The following HLTF variants were observed in gnomAD, a reference collection of about 807,000 sequenced individuals.
HLTF encodes the protein DNA-dependent ATPase/E3 ubiquitin-protein ligase HLTF.
HLTF carries 127 observed loss-of-function variants against 129.4 expected under a neutral mutation model. The observed-to-expected ratio is 0.98, with a 90% CI of 0.85 to 1.14. The LOEUF (loss-of-function observed/expected upper bound fraction) is 1.14, where lower values mean the gene tolerates loss of function less well. Ranked by LOEUF, HLTF falls within the 50% of genes most tolerant of loss-of-function variation. The pLI, the probability that HLTF is intolerant of heterozygous loss-of-function variation, is 0.00. For synonymous variants in HLTF, 332 were observed against 388.8 expected (o/e 0.85, Z 1.72); for missense variants, 1,139 against 1,187.1 (o/e 0.96, Z 0.60).
intron 10 of HLTF, among the ~76,000 whole-genome samples, chr3:149,061,212 G>A (rs919667214): frequency 6.6e-6 from 1 of 151,958 alleles, no homozygotes; most frequent in Admixed American, 6.6e-5. Context: ...TAGGACTACA[G>A]GTGCGTGCCA....
rs1715992071 is a variant in HLTF, at chr3:149,040,052, C to T, written c.2481G>A (p.Met827Ile). 1.9e-6 allele frequency: 3 copies of T among 1,611,030 alleles called. No homozygotes were observed. Among genetic ancestry groups the T allele is most frequent in the Non-Finnish European group, 2.5e-6 (3 of 1,178,962 alleles). The change falls in exon 21 of 25, where the codon ATG becomes ATA. Residue 827 changes from methionine to isoleucine, a missense_variant. Coordinates refer to ENST00000310053, the MANE Select transcript of HLTF (RefSeq NM_003071.4). ...TTACCTTTGAACTGGATGTCCATTC[C>T]ATATCAGACTTTTTCTCACTGTCAC... ...LARDSEKKSD[M>I]EWTSSSKINA... is the part of the protein sequence containing the mutation.
At chr3:149,079,373 TAAAAAAAAAAAAAAAAAAAAAA>T (rs71135659) in intron 2 of HLTF, among the ~76,000 whole-genome samples, 763 of 57,276 alleles carry the variant, frequency 0.013, 25 homozygotes, top group African/African-American at 0.045. Context: ...CGACAGTTTC[TAAAAAAAAAAAAAAAAAAAAAA>T]AAAAAAAAAA....
At position 149,032,154 on chromosome 3, in the gene HLTF, T is replaced by G; in HGVS notation, c.*66A>C. On this transcript the variant is annotated 3_prime_UTR_variant, in exon 25 of 25. Transcript: ENST00000310053. The stretch of plus-strand genomic sequence containing the variant: ...GTTCTCTAGATCTCATTTCTAAAAC[T>G]CTGTATTTTTCTCATTTCTAAAACT... 1 of 1,223,978 alleles carries G rather than the reference T, an allele frequency of 8.2e-7. No individual in the cohort carries two copies. Among genetic ancestry groups the G allele is most frequent in the Non-Finnish European group, 1.1e-6 (1 of 890,566 alleles). The allele number at this position is 1,223,978 out of a possible 1,614,324, so 75.8% of individuals were successfully genotyped here. A position where few individuals can be genotyped will look rare whatever the true frequency, so the allele number is the denominator to read the frequency against.
chr3:149,034,965 C>T lies in HLTF; in HGVS notation c.2830G>A (p.Asp944Asn), dbSNP rs760815478. Residue 944 changes from aspartate (D) to asparagine (N), a missense_variant, in exon 24 of 25, where the codon GAC (aspartate) becomes AAC (asparagine). By Grantham distance (23) the Asp-to-Asn change is conservative. Transcript: ENST00000310053. ...WNPAAEDQCF[D>N]RCHRLGQKQE... ...TTCTGACCAAGTCTATGGCATCTGT[C>T]AAAGCACTGATCTTCAGCAGCAGGA... is the stretch of plus-strand genomic sequence containing the variant. 6.2e-7 allele frequency: 1 copy of T among 1,613,932 alleles called. No individual in the cohort carries two copies.
chr3:149,045,721 A>G (rs1716494476), intron 18 of HLTF, among the ~76,000 whole-genome samples: 1 of 152,142 alleles, frequency 6.6e-6, no homozygotes. Context: ...TTGGACCAGA[A>G]TTTCATACCT....
rs1221776654 is a variant in HLTF, at chr3:149,060,774, G to T, written c.1240+5C>A. On this transcript the variant is annotated splice_donor_5th_base_variant and intron_variant, in intron 11 of 24. Coordinates refer to ENST00000310053, the MANE Select transcript of HLTF (RefSeq NM_003071.4). ...CATTATCAAATCAAATCTATTACAT[G>T]TTACCTTTCATTTTCTGCGGCAATT... The T allele has an allele frequency of 1.9e-6, 3 of 1,610,792 alleles. No homozygotes were observed. The African/African-American group carries it at 4.0e-5, about 22-fold the overall frequency.
chr3:149,055,302 C>A lies in HLTF; in HGVS notation c.1473+1G>T, dbSNP rs779453571. On this transcript the variant is annotated splice_donor_variant, in intron 14 of 24. Transcript: ENST00000310053. LOFTEE classifies it high-confidence loss of function. ...CATTTTTAAAGGGCTTAAAGACTTA[C>A]AATCCAGTTGCTTAACACAGAAAGC... 1.2e-6 allele frequency: 2 copies of A among 1,601,812 alleles called. No homozygotes were observed. The highest frequency in any genetic ancestry group is 1.7e-6 in the Non-Finnish European group (2 of 1,169,138).
chr3:149,035,437 A>C (rs1189502679), intron 23 of HLTF, among the ~76,000 whole-genome samples: 2 of 152,060 alleles, frequency 1.3e-5, no homozygotes, highest in Non-Finnish European at 2.9e-5. Context: ...CTGTTCATGA[A>C]ATAAAAGTAT....
chr3:149,061,473 A>T lies in HLTF; in HGVS notation c.1161-615T>A, dbSNP rs1282177354. On this transcript the variant is annotated intron_variant, in intron 10 of 24. Transcript: ENST00000310053. ...TTGAAAAACTAAGTCATTCTAAAAA[A>T]TTAAAAATTTCAATACCAGGTTTAA... Among the ~76,000 whole-genome samples the T allele has an allele frequency of 3.3e-5, 5 of 152,148 alleles. No homozygotes were observed. The South Asian group carries it at 1.0e-3, about 32-fold the overall frequency.
chr3:149,039,794 C>A, intron 21 of HLTF, 101 bp from the exon 22 acceptor site: 1 of 705,590 alleles, frequency 1.4e-6, no homozygotes, highest in South Asian at 2.5e-5. Context: ...TGTTATTTCC[C>A]TAAAATGCAA....
intron 10 of HLTF, among the ~76,000 whole-genome samples, chr3:149,061,439 AAAAT>A (rs1717939962): frequency 7.2e-6 from 1 of 139,110 alleles, no homozygotes; most frequent in Non-Finnish European, 1.6e-5. Context: ...AAAATAAAAT[AAAAT>A]AAATTTGAAA....
At chr3:149,052,185 G>T (rs1186982720) in intron 14 of HLTF, 2 of 143,212 alleles carry the variant, frequency 1.4e-5, no homozygotes, top group African/African-American at 2.6e-5. Flanking sequence ...ATCCAGCAAA[G>T]AAAAAAAGGA....
At chr3:149,057,800 A>G (rs1417720270) in intron 13 of HLTF, among the ~76,000 whole-genome samples, 1 of 152,224 alleles carries the variant, frequency 6.6e-6, no homozygotes, top group Admixed American at 6.5e-5. Flanking sequence ...ATCATACTGC[A>G]AAGTAGATTA....
At chr3:149,080,131 G>C (rs1247129898) in intron 2 of HLTF, among the ~76,000 whole-genome samples, 1 of 152,078 alleles carries the variant, frequency 6.6e-6, no homozygotes, top group African/African-American at 2.4e-5. Context: ...GAAATGTCAA[G>C]AGGAGGTAAA....
chr3:149,065,472 C>T (rs575737116), intron 8 of HLTF, among the ~76,000 whole-genome samples: 14 of 152,184 alleles, frequency 9.2e-5, no homozygotes, highest in African/African-American at 2.6e-4. Flanking sequence ...CTTAAAAAAT[C>T]CCCCCTTAGA....
Position 149,040,044 on chromosome 3 carries a change from G to A in HLTF, c.2489C>T (p.Thr830Ile). 6.2e-7 allele frequency: 1 copy of A among 1,610,444 alleles called. No homozygotes were observed. The highest frequency in any genetic ancestry group is 1.7e-5 in the Admixed American group (1 of 59,754). Residue 830 changes from threonine (T) to isoleucine (I), a missense_variant, in exon 21 of 25, where the codon ACA becomes ATA. Thr to Ile is a moderately conservative substitution (Grantham distance 89). Coordinates refer to ENST00000310053, the MANE Select transcript of HLTF (RefSeq NM_003071.4). ...DSEKKSDMEW[T>I]SSSKINALMH... is the part of the protein sequence containing the mutation. ...TGAGTACTTTACCTTTGAACTGGAT[G>A]TCCATTCCATATCAGACTTTTTCTC...
chr3:149,052,298 A>G lies in HLTF; in HGVS notation c.1474-1923T>C, dbSNP rs182817451. On this transcript the variant is annotated intron_variant, in intron 14 of 24. Coordinates refer to ENST00000310053, the MANE Select transcript of HLTF (RefSeq NM_003071.4). ...CTCTTTTTAAAAAATTATATGTTGTATGGAAATACAGAAAAGACAGATTTA... is the reference window on the plus strand; with the variant it reads ...CTCTTTTTAAAAAATTATATGTTGTGTGGAAATACAGAAAAGACAGATTTA... 2.6e-5 allele frequency among the ~76,000 whole-genome samples: 4 copies of G among 152,154 alleles called. No individual in the cohort carries two copies. The East Asian group carries it at 5.8e-4, about 22-fold the overall frequency.
chr3:149,032,805 T>C (rs1186184865), intron 24 of HLTF, among the ~76,000 whole-genome samples: 3 of 151,372 alleles, frequency 2.0e-5, no homozygotes, highest in Admixed American at 1.3e-4. Context: ...TACTAAAAAA[T>C]AGAAAAAGTT....
intron 7 of HLTF, among the ~76,000 whole-genome samples, chr3:149,070,009 T>C (rs941410212): frequency 1.3e-5 from 2 of 152,248 alleles, no homozygotes; most frequent in African/African-American, 4.8e-5. Context: ...ATTTTCTAAA[T>C]GAGCAATGCC....
Sources: gnomAD v4.1 joint callset for allele counts (sites outside exome capture counted in the v4.1 genomes callset) on GRCh38, gnomAD v4.1.1 for gene constraint, MANE v1.5 for transcripts, NCBI Gene and HGNC (gene_info 2026-07-23, HGNC 2026-07-21) for gene names.